DICER1: variants seen among roughly 807,000 people sequenced by gnomAD.
DICER1 encodes the protein endoribonuclease Dicer.
In DICER1, 43 loss-of-function variants were observed where a neutral mutation model predicts 194.1. The observed-to-expected ratio is 0.22, with a 90% CI of 0.17 to 0.29. DICER1 has a LOEUF of 0.29. DICER1 is among the 10% of genes least tolerant of loss of function. The pLI is 1.00. For missense variants in DICER1, 1,608 were observed against 2,317.0 expected, an observed-to-expected ratio of 0.69 and a Z score of 6.28; for synonymous variants, 832 against 820.5, an observed-to-expected ratio of 1.01 and a Z score of -0.24.
At chr14:95,148,436 G>A (rs1895285928) in intron 1 of DICER1, among the ~76,000 whole-genome samples, 1 of 152,168 alleles carries the variant, frequency 6.6e-6, no homozygotes, top group Admixed American at 6.5e-5. Context: ...GTATGCCTAA[G>A]AATAGGGTAG....
chr14:95,128,096 C>T (rs866767383), intron 6 of DICER1, among the ~76,000 whole-genome samples: 6 of 152,136 alleles, frequency 3.9e-5, no homozygotes, highest in Middle Eastern at 3.2e-3. Context: ...TAATATCATT[C>T]CTTGGGTCTT....
intron 1 of DICER1, among the ~76,000 whole-genome samples, chr14:95,152,531 T>A (rs1895582093): frequency 6.6e-6 from 1 of 152,148 alleles, no homozygotes; most frequent in Non-Finnish European, 1.5e-5. Flanking sequence ...CCATAAACCT[T>A]AACACAACCA....
intron 8 of DICER1, among the ~76,000 whole-genome samples, chr14:95,118,002 G>A (rs1184974499): frequency 1.3e-5 from 2 of 152,110 alleles, no homozygotes; most frequent in Admixed American, 6.5e-5. Context: ...AAATGGTCAC[G>A]TTACCTCCAA....
At chr14:95,120,142 G>C in intron 8 of DICER1, among the ~76,000 whole-genome samples, 1 of 152,178 alleles carries the variant, frequency 6.6e-6, no homozygotes, top group East Asian at 1.9e-4. Flanking sequence ...TGAAATTCCT[G>C]CCAGGTTATT....
In DICER1 at chr14:95,135,471, C is replaced by T. The variant is rs190677617; in HGVS notation, c.-45-1968G>A. 9.2e-5 allele frequency among the ~76,000 whole-genome samples: 14 copies of T among 152,286 alleles called. No homozygotes were observed. The East Asian group carries it at 2.5e-3, about 27-fold the overall frequency. ...CCCTACAACTGTCACCATTTCTTCT[C>T]ATATAGATAACATTAGTAATAACAA... On this transcript the variant is annotated intron_variant, in intron 1 of 26. Transcript: ENST00000343455.
intron 1 of DICER1, among the ~76,000 whole-genome samples, chr14:95,135,652 C>T (rs1457858076): frequency 6.6e-6 from 1 of 152,074 alleles, no homozygotes; most frequent in Non-Finnish European, 1.5e-5. Flanking sequence ...TACAAATGGA[C>T]ATAAAGATGG....
In DICER1 at chr14:95,104,164, C is replaced by T. The variant is rs778298563; in HGVS notation, c.3270-38G>A. On this transcript the variant is annotated intron_variant, in intron 20 of 26. Coordinates refer to ENST00000343455, the MANE Select transcript of DICER1 (RefSeq NM_177438.3). The stretch of plus-strand genomic sequence containing the variant: ...TTTTATAACTTTACATCAGATTCTT[C>T]AAAACAGCTAGGCTGAGAGCAACAG... 7 of 1,539,920 alleles carry T rather than the reference C, an allele frequency of 4.5e-6. No homozygotes were observed. The South Asian group carries it at 7.9e-5, about 17-fold the overall frequency.
rs1424203615 is a variant in DICER1 at position 95,095,899 on chromosome 14, T to G, written c.5021A>C (p.Asn1674Thr). 3 of 1,614,062 alleles carry G rather than the reference T, an allele frequency of 1.9e-6. No individual in the cohort carries two copies. The highest frequency in any genetic ancestry group is 2.5e-6 in the Non-Finnish European group (3 of 1,180,018). The change falls in exon 23 of 27, where the codon AAC becomes ACC. Residue 1674 changes from asparagine (N) to threonine (T), a missense_variant. Around this residue, in one of 10 missense-constraint regions of DICER1, gnomAD observed 125 missense variants for 134.9 expected, o/e 0.93. Coordinates refer to ENST00000343455, the MANE Select transcript of DICER1 (RefSeq NM_177438.3). The part of the protein sequence containing the change: ...SGFENFEKKI[N>T]YRFKNKAYLL... ...GTAAGCCTTATTCTTGAATCTGTAG[T>G]TGATTTTCTTTTCAAAATTTTCAAA...
intron 1 of DICER1, among the ~76,000 whole-genome samples, chr14:95,138,986 T>TAAAAAAAAAAAAAAAAAAAAAAAAAAAA (rs1289692370): frequency 9.5e-5 from 3 of 31,702 alleles, no homozygotes; most frequent in African/African-American, 1.6e-4. Context: ...TAAAAATAAA[T>TAAAAAAAAAAAAAAAAAAAAAAAAAAAA]AAAAAAATAA....
Position 95,088,183 on chromosome 14 carries a change from G to A in DICER1, c.*2315C>T. 4.3e-6 allele frequency: 1 copy of A among 232,586 alleles called. No homozygotes were observed. Among genetic ancestry groups the A allele is most frequent in the Non-Finnish European group, 8.5e-6 (1 of 117,426 alleles). The allele number at this position is 232,586 out of a possible 1,614,324, so 14.4% of individuals were successfully genotyped here. On this transcript the variant is annotated 3_prime_UTR_variant, in exon 27 of 27. Transcript: ENST00000343455. Reference sequence around the variant, plus strand: ...TTGATAAAACATTTGAATGGTAGAAGGAAATTTGAACCCCTGAGAATGTAT... The same window carrying A: ...TTGATAAAACATTTGAATGGTAGAAAGAAATTTGAACCCCTGAGAATGTAT...
At chr14:95,110,204 G>T (rs1891830504) in intron 14 of DICER1, among the ~76,000 whole-genome samples, 1 of 152,096 alleles carries the variant, frequency 6.6e-6, no homozygotes, top group Admixed American at 6.5e-5. Context: ...AAATAAATGT[G>T]AGCTATAGAT....
intron 26 of DICER1, 72 bp from the exon 27 acceptor site, chr14:95,090,735 T>G: frequency 3.8e-6 from 6 of 1,566,506 alleles, no homozygotes; most frequent in Non-Finnish European, 5.3e-6. Flanking sequence ...GCATTTAGTG[T>G]GCACTCTCAG....
chr14:95,132,456 T>C (rs1566814895), intron 3 of DICER1, 59 bp downstream of exon 3: 2 of 1,554,486 alleles, frequency 1.3e-6, no homozygotes, highest in East Asian at 2.2e-5. Flanking sequence ...AAAATCTGTT[T>C]AAACATAAAA....
At chr14:95,154,626 A>T (rs752591170) in intron 1 of DICER1, among the ~76,000 whole-genome samples, 1 of 152,084 alleles carries the variant, frequency 6.6e-6, no homozygotes, top group Non-Finnish European at 1.5e-5. Context: ...ATACTGTATG[A>T]CTCTACTTAT....
At chr14:95,125,619 AGAG>A (rs1377311696) in intron 7 of DICER1, among the ~76,000 whole-genome samples, 1 of 33,622 alleles carries the variant, frequency 3.0e-5, no homozygotes, top group Non-Finnish European at 5.5e-5. Flanking sequence ...GGAGAAGGGG[AGAG>A]GAGGAGGGGG....
At chr14:95,096,835 A>G (rs768795282) in intron 22 of DICER1, 122 bp from the exon 23 acceptor site, 5 of 1,164,888 alleles carry the variant, frequency 4.3e-6, no homozygotes, top group African/African-American at 1.6e-5. Context: ...ACTAAAAGGC[A>G]ACTTTAAAAT....
chr14:95,142,072 A>G (rs1055636171), intron 1 of DICER1, among the ~76,000 whole-genome samples: 5 of 151,944 alleles, frequency 3.3e-5, no homozygotes, highest in African/African-American at 1.2e-4. Flanking sequence ...ATATCTTCCT[A>G]TCTCCCAATA....
intron 8 of DICER1, among the ~76,000 whole-genome samples, chr14:95,123,116 C>A (rs10138019): frequency 0.028 from 4,195 of 152,160 alleles, 191 homozygotes; most frequent in African/African-American, 0.095. Flanking sequence ...AAAATAAGGA[C>A]CTTTTTTGGC....
At chr14:95,100,054 T>G in intron 21 of DICER1, 119 bp from the exon 22 acceptor site, 1 of 1,087,130 alleles carries the variant, frequency 9.2e-7, no homozygotes, top group Non-Finnish European at 1.3e-6. Context: ...TTATATGTCA[T>G]CAATTAATTA....
Sources: allele counts gnomAD v4.1 joint callset (sites outside exome capture counted in the v4.1 genomes callset), GRCh38; gene constraint gnomAD v4.1.1; regional missense constraint gnomAD v4.1.1; transcripts MANE v1.5; gene names NCBI Gene and HGNC (gene_info 2026-07-23, HGNC 2026-07-21).